Variants in INSL6 observed in about 807,000 individuals in gnomAD.
The protein encoded by INSL6 is insulin like 6, also known as insulin-like peptide INSL6.
In INSL6, 16 loss-of-function variants were observed where a neutral mutation model predicts 9.4. That is an observed-to-expected ratio of 1.70 (90% CI 1.15 to 2.59). INSL6 has a LOEUF of 2.59. INSL6 is among the 30% of genes most tolerant of loss of function. INSL6 has a pLI of 0.00. For missense variants in INSL6, 391 were observed against 257.3 expected (o/e 1.52, Z -3.56); for synonymous variants, 154 against 96.9 (o/e 1.59, Z -3.46).
At chr9:5,012,591 G>A in the INSL6 span, among the ~76,000 whole-genome samples, 23 of 152,064 alleles carry the variant, frequency 1.5e-4, no homozygotes, top group Admixed American at 3.9e-4. Flanking sequence ...AAATTATACC[G>A]TATGTATAAT....
At chr9:5,041,352 A>G in the INSL6 span, 1 of 642,456 alleles carries the variant, frequency 1.6e-6, no homozygotes, top group Non-Finnish European at 2.8e-6. Context: ...ACGGCGTGCT[A>G]CATGAGCATC....
chr9:5,033,827 A>C, the INSL6 span, among the ~76,000 whole-genome samples: 1 of 152,228 alleles, frequency 6.6e-6, no homozygotes, highest in Admixed American at 6.5e-5. Context: ...AAGAAACTGC[A>C]TCAACTAATG....
At chr9:5,142,168 C>G (rs138110612) in intron 2 of INSL6, among the ~76,000 whole-genome samples, 240 of 152,206 alleles carry the variant, frequency 1.6e-3, no homozygotes, top group South Asian at 2.9e-3. Flanking sequence ...CAGCTTTGTT[C>G]TTTTTGCTGA....
At chr9:5,069,812 A>T in the INSL6 span, 7 of 510,990 alleles carry the variant, frequency 1.4e-5, no homozygotes, top group Admixed American at 2.9e-4. Flanking sequence ...AAGAACAATT[A>T]GGAGTTATTA....
At chr9:5,137,941 C>G (rs970043452) in intron 2 of INSL6, among the ~76,000 whole-genome samples, 1 of 147,948 alleles carries the variant, frequency 6.8e-6, no homozygotes, top group East Asian at 2.0e-4. Flanking sequence ...AGACATTTCT[C>G]AAAAGAAGAC....
the INSL6 span, among the ~76,000 whole-genome samples, chr9:5,101,309 G>A: frequency 6.6e-6 from 1 of 152,220 alleles, no homozygotes; most frequent in Non-Finnish European, 1.5e-5. Flanking sequence ...CCACCCGTGA[G>A]GCAGCAGCCT....
chr9:5,067,808 G>T, the INSL6 span, among the ~76,000 whole-genome samples: 1 of 152,100 alleles, frequency 6.6e-6, no homozygotes, highest in Non-Finnish European at 1.5e-5. Context: ...ATCGAACATT[G>T]TAATTATCTA....
At chr9:5,079,316 G>C in the INSL6 span, among the ~76,000 whole-genome samples, 1 of 152,226 alleles carries the variant, frequency 6.6e-6, no homozygotes, top group African/African-American at 2.4e-5. Flanking sequence ...ATACCAGAAA[G>C]TAGGGTTATA....
intron 3 of INSL6, among the ~76,000 whole-genome samples, chr9:5,131,498 C>T (rs1246614139): frequency 1.5e-5 from 2 of 133,640 alleles, no homozygotes; most frequent in African/African-American, 3.1e-5. Context: ...AGTGCAATGG[C>T]GTGATCTCGG....
chr9:5,012,689 T>C, the INSL6 span, among the ~76,000 whole-genome samples: 2 of 152,350 alleles, frequency 1.3e-5, no homozygotes, highest in South Asian at 4.1e-4. Flanking sequence ...TTCTACCTGC[T>C]AAGAATAGAT....
the INSL6 span, among the ~76,000 whole-genome samples, chr9:5,113,387 AT>A: frequency 6.8e-6 from 1 of 146,238 alleles, no homozygotes; most frequent in East Asian, 2.0e-4. Flanking sequence ...CCTAAGCGTA[AT>A]TTTTTTTAAG....
chr9:4,994,843 T>G, the INSL6 span, among the ~76,000 whole-genome samples: 1 of 152,226 alleles, frequency 6.6e-6, no homozygotes, highest in Admixed American at 6.5e-5. Flanking sequence ...TCTGTATTTG[T>G]CTCTTTTTAT....
At chr9:5,075,557 C>G in the INSL6 span, among the ~76,000 whole-genome samples, 1 of 151,738 alleles carries the variant, frequency 6.6e-6, no homozygotes, top group African/African-American at 2.4e-5. Flanking sequence ...GACAGCACAT[C>G]TGTTTATAGC....
intron 1 of INSL6, among the ~76,000 whole-genome samples, chr9:5,165,953 G>A (rs1825041608): frequency 6.6e-6 from 1 of 152,192 alleles, no homozygotes; most frequent in Non-Finnish European, 1.5e-5. Flanking sequence ...GGAACAAACT[G>A]GAAGTTGGCA....
chr9:5,018,619 T>G, the INSL6 span, among the ~76,000 whole-genome samples: 1 of 152,306 alleles, frequency 6.6e-6, no homozygotes, highest in East Asian at 1.9e-4. Context: ...GATTACAGGC[T>G]TGAGCCACTG....
chr9:5,064,897 C>T, the INSL6 span: 3 of 1,579,000 alleles, frequency 1.9e-6, no homozygotes, highest in Non-Finnish European at 2.6e-6. Flanking sequence ...TTGAACTTAG[C>T]TCATTAAGGG....
chr9:5,086,693 T>C, the INSL6 span, among the ~76,000 whole-genome samples: 2 of 152,174 alleles, frequency 1.3e-5, no homozygotes, highest in Non-Finnish European at 2.9e-5. Flanking sequence ...ACTTAGAAAA[T>C]TTCCTACCCT....
the INSL6 span, among the ~76,000 whole-genome samples, chr9:4,994,936 G>T: frequency 6.9e-6 from 1 of 144,390 alleles, no homozygotes; most frequent in Non-Finnish European, 1.5e-5. Flanking sequence ...TTGTACATTT[G>T]TCAGGGCGTG....
rs1315840527 is a variant in INSL6 at position 5,185,612 on chromosome 9, C to G, written c.-10G>C. The G allele has an allele frequency of 3.7e-6, 6 of 1,607,906 alleles. No individual in the cohort carries two copies. The South Asian group carries it at 5.5e-5, about 15-fold the overall frequency. On this transcript the variant is annotated 5_prime_UTR_variant, in exon 1 of 2. Transcript: ENST00000381641. ...GGAGGAGCCGCGGCATCCCTGTGAC[C>G]CCAGGCTAGTCCTCCGCGTTGTGCA...
Sources: allele counts gnomAD v4.1 joint callset (sites outside exome capture counted in the v4.1 genomes callset), GRCh38; gene constraint gnomAD v4.1.1; transcripts MANE v1.5; gene names NCBI Gene and HGNC (gene_info 2026-07-23, HGNC 2026-07-21).